CCDC66: variants seen among roughly 807,000 people sequenced by gnomAD.
CCDC66 encodes coiled-coil domain-containing protein 66.
In CCDC66, 133 loss-of-function variants were observed where a neutral mutation model predicts 128.3. The observed-to-expected ratio is 1.04, with a 90% CI of 0.90 to 1.20. The LOEUF (loss-of-function observed/expected upper bound fraction) is 1.20, where lower values mean the gene tolerates loss of function less well. Among genes scored for constraint, CCDC66 ranks in the 50% most tolerant of loss-of-function variants. CCDC66 has a pLI of 0.00. For synonymous variants in CCDC66, 387 were observed against 357.0 expected (o/e 1.08, Z -0.95); for missense variants, 1,126 against 1,075.5 (o/e 1.05, Z -0.66).
At chr3:56,588,205 G>A (rs1417130634) in intron 7 of CCDC66, among the ~76,000 whole-genome samples, 1 of 152,216 alleles carries the variant, frequency 6.6e-6, no homozygotes, top group Non-Finnish European at 1.5e-5. Context: ...CTCAGGAATG[G>A]AAAACCAAAC....
At position 56,617,349 on chromosome 3, in the gene CCDC66, TGAA is replaced by T; in HGVS notation, c.2085_2087del (p.Lys696del). 6.2e-7 allele frequency: 1 copy of T among 1,612,662 alleles called. No individual in the cohort carries two copies. The highest frequency in any genetic ancestry group is 1.7e-4 in the Middle Eastern group (1 of 6,058). ...AGAATAGAGAAACAAACAAAACACA[TGAA>T]GAAATATCCTAAAAGGCCTGATTGG... On this transcript the variant is annotated inframe_deletion, in exon 14 of 18. Transcript: ENST00000394672.
intron 10 of CCDC66, among the ~76,000 whole-genome samples, chr3:56,600,193 G>A (rs541417307): frequency 6.3e-4 from 93 of 148,654 alleles, no homozygotes; most frequent in Non-Finnish European, 1.0e-3. Flanking sequence ...TCTGTCGCCA[G>A]GCTGGAGTGC....
intron 7 of CCDC66, among the ~76,000 whole-genome samples, chr3:56,586,891 C>CA (rs961813346): frequency 6.6e-6 from 1 of 151,592 alleles, no homozygotes; most frequent in Non-Finnish European, 1.5e-5. Flanking sequence ...CTCCACAACA[C>CA]AAAAAAACTA....
intron 10 of CCDC66, among the ~76,000 whole-genome samples, chr3:56,610,424 GT>G (rs1372810016): frequency 3.3e-5 from 5 of 152,088 alleles, no homozygotes; most frequent in Non-Finnish European, 7.4e-5. Context: ...TGAATTTTTG[GT>G]TTTTTCTTTA....
chr3:56,613,973 G>T (rs71309970), intron 11 of CCDC66, among the ~76,000 whole-genome samples: 4,860 of 152,274 alleles, frequency 0.032, 107 homozygotes, highest in Middle Eastern at 0.078. Flanking sequence ...TGGAGACAGG[G>T]TCTCACTATG....
At chr3:56,558,492 T>C (rs1403340268) in intron 1 of CCDC66, among the ~76,000 whole-genome samples, 1 of 152,232 alleles carries the variant, frequency 6.6e-6, no homozygotes, top group African/African-American at 2.4e-5. Flanking sequence ...AACTAATGAA[T>C]GGCGGTTAAA....
chr3:56,565,651 C>G (rs9755317), intron 4 of CCDC66, among the ~76,000 whole-genome samples: 3 of 147,092 alleles, frequency 2.0e-5, no homozygotes, highest in African/African-American at 7.5e-5. Context: ...GAGTCTCGCT[C>G]CGTTGCCCAG....
chr3:56,581,477 G>C (rs1244349925), intron 7 of CCDC66, among the ~76,000 whole-genome samples: 1 of 151,834 alleles, frequency 6.6e-6, no homozygotes, highest in East Asian at 2.0e-4. Context: ...TTCCTTTGGA[G>C]GAGAAGAGGT....
intron 7 of CCDC66, among the ~76,000 whole-genome samples, chr3:56,578,441 C>G (rs1195376143): frequency 2.6e-5 from 4 of 151,794 alleles, no homozygotes; most frequent in African/African-American, 7.2e-5. Context: ...ACTTCCAATA[C>G]TATGTTGAAT....
chr3:56,592,370 A>T (rs1177019500), intron 7 of CCDC66, among the ~76,000 whole-genome samples: 1 of 152,106 alleles, frequency 6.6e-6, no homozygotes, highest in African/African-American at 2.4e-5. Flanking sequence ...TTTGAAAAAC[A>T]ATATTTTTGA....
Position 56,621,513 on chromosome 3 carries a change from T to C in CCDC66, c.2761-19T>C. 6.5e-7 allele frequency: 1 copy of C among 1,527,444 alleles called. No homozygotes were observed. The highest frequency in any genetic ancestry group is 8.9e-7 in the Non-Finnish European group (1 of 1,120,178). The allele number at this position is 1,527,444 out of a possible 1,614,324, so 94.6% of individuals were successfully genotyped here. Reference sequence around the variant, plus strand: ...GGTGTGCACATTTTACTAACAAACATATATCAATGTGATTTCAGGGCCTTC... The same window carrying C: ...GGTGTGCACATTTTACTAACAAACACATATCAATGTGATTTCAGGGCCTTC... On this transcript the variant is annotated intron_variant, in intron 17 of 17. Coordinates refer to ENST00000394672, the MANE Select transcript of CCDC66 (RefSeq NM_001141947.3).
chr3:56,557,611 G>T, intron 1 of CCDC66: 1 of 287,162 alleles, frequency 3.5e-6, no homozygotes. Flanking sequence ...CCTGGCCCAT[G>T]CCCCGGGTTC....
chr3:56,597,159 G>A (rs2072130426), intron 10 of CCDC66, among the ~76,000 whole-genome samples: 1 of 151,928 alleles, frequency 6.6e-6, no homozygotes, highest in Non-Finnish European at 1.5e-5. Context: ...AAGAGTGTGT[G>A]CTTTCCCCAA....
At chr3:56,580,723 T>C (rs1157050221) in intron 7 of CCDC66, among the ~76,000 whole-genome samples, 1 of 151,958 alleles carries the variant, frequency 6.6e-6, no homozygotes, top group Non-Finnish European at 1.5e-5. Context: ...TCTTTAAGAA[T>C]GTTGAATATT....
intron 7 of CCDC66, among the ~76,000 whole-genome samples, chr3:56,589,428 T>C (rs984637701): frequency 3.3e-5 from 5 of 152,112 alleles, no homozygotes; most frequent in Non-Finnish European, 7.4e-5. Flanking sequence ...AAACTAACAT[T>C]TTTTAATACC....
At chr3:56,562,875 G>C (rs2065285795) in intron 3 of CCDC66, among the ~76,000 whole-genome samples, 1 of 151,032 alleles carries the variant, frequency 6.6e-6, no homozygotes, top group Non-Finnish European at 1.5e-5. Context: ...TTGAACTCCT[G>C]ACCTCAGGCA....
At chr3:56,571,809 TC>T (rs1463896962) in intron 7 of CCDC66, among the ~76,000 whole-genome samples, 10 of 151,914 alleles carry the variant, frequency 6.6e-5, no homozygotes. Context: ...GCCTTGAACT[TC>T]TGGACTGAAG....
intron 10 of CCDC66, among the ~76,000 whole-genome samples, chr3:56,607,071 A>G (rs534390692): frequency 6.6e-6 from 1 of 152,142 alleles, no homozygotes; most frequent in Non-Finnish European, 1.5e-5. Context: ...GAAATCAGGT[A>G]ATATGATGCC....
intron 10 of CCDC66, among the ~76,000 whole-genome samples, chr3:56,608,814 C>T (rs1425866552): frequency 1.3e-5 from 2 of 152,068 alleles, no homozygotes; most frequent in East Asian, 3.9e-4. Flanking sequence ...TCATTACTGT[C>T]GTTCAGTTCA....
Sources: gnomAD v4.1 joint callset for allele counts (sites outside exome capture counted in the v4.1 genomes callset) on GRCh38, gnomAD v4.1.1 for gene constraint, MANE v1.5 for transcripts, NCBI Gene and HGNC (gene_info 2026-07-23, HGNC 2026-07-21) for gene names.